Variants in LAMA3 observed in about 807,000 individuals in gnomAD.
LAMA3 encodes the protein laminin subunit alpha 3.
A neutral mutation model predicts 402.0 loss-of-function variants in LAMA3; 281 were observed. That is an observed-to-expected ratio of 0.70 (90% CI 0.63 to 0.77). The LOEUF (loss-of-function observed/expected upper bound fraction) is 0.77, where lower values mean the gene tolerates loss of function less well. Among genes scored for constraint, LAMA3 ranks in the 30% least tolerant of loss-of-function variants. The pLI, the probability that LAMA3 is intolerant of heterozygous loss-of-function variation, is 0.00. For synonymous variants in LAMA3, 1,431 were observed against 1,558.4 expected, an observed-to-expected ratio of 0.92 and a Z score of 1.93; for missense variants, 3,840 against 4,215.5, an observed-to-expected ratio of 0.91 and a Z score of 2.47.
At chr18:23,811,882 A>ATT (rs201586931) in intron 13 of LAMA3, among the ~76,000 whole-genome samples, 2 of 150,348 alleles carry the variant, frequency 1.3e-5, no homozygotes, top group African/African-American at 4.9e-5. Flanking sequence ...ATTTTATTTT[A>ATT]TTTTTTTTTG....
At chr18:23,857,292 T>C (rs1272704622) in intron 32 of LAMA3, among the ~76,000 whole-genome samples, 3 of 152,200 alleles carry the variant, frequency 2.0e-5, no homozygotes, top group Non-Finnish European at 4.4e-5. Context: ...ACCTACCTCC[T>C]CAGGCCATGG....
intron 2 of LAMA3, among the ~76,000 whole-genome samples, chr18:23,741,280 T>C (rs1181707064): frequency 6.6e-6 from 1 of 152,088 alleles, no homozygotes; most frequent in Non-Finnish European, 1.5e-5. Flanking sequence ...AGGGTGATGA[T>C]AAACCCAAAA....
chr18:23,837,570 G>GATATATATATATATAGATAT (rs2063609973), intron 25 of LAMA3, among the ~76,000 whole-genome samples: 1 of 83,284 alleles, frequency 1.2e-5, no homozygotes, highest in Non-Finnish European at 2.3e-5. Flanking sequence ...CAGTTAATCA[G>GATATATATATATATAGATAT]ATATATATAT....
chr18:23,739,342 T>C (rs1390696935), intron 2 of LAMA3, among the ~76,000 whole-genome samples: 1 of 152,216 alleles, frequency 6.6e-6, no homozygotes, highest in East Asian at 1.9e-4. Flanking sequence ...GCCCAGCTGA[T>C]TTGAAATGAC....
At chr18:23,777,252 T>TAA (rs35550543) in intron 10 of LAMA3, among the ~76,000 whole-genome samples, 2,670 of 148,002 alleles carry the variant, frequency 0.018, 22 homozygotes, top group Non-Finnish European at 0.028. Context: ...GATTTTATGT[T>TAA]AAAAAAAAAA....
chr18:23,951,513 C>A (rs917988247), intron 72 of LAMA3, among the ~76,000 whole-genome samples, 171 bp from the exon 73 acceptor site: 43 of 152,118 alleles, frequency 2.8e-4, no homozygotes, highest in African/African-American at 9.7e-4. Context: ...GCAGAGAGAT[C>A]TCTGGAAGCA....
In LAMA3 at chr18:23,689,904, G is replaced by T; in HGVS notation, c.221G>T (p.Gly74Val). The change falls in exon 1 of 75, where the codon GGG (glycine) becomes GTG (valine). Residue 74 changes from glycine to valine, a missense_variant. Coordinates refer to ENST00000313654, the MANE Select transcript of LAMA3 (RefSeq NM_198129.4). ...TGCGGGGAGAGGGGACCCGGCGAGGGGAGGCCCCAGCCCGAGCTCTACTGC... is the reference window on the plus strand; with the variant it reads ...TGCGGGGAGAGGGGACCCGGCGAGGTGAGGCCCCAGCCCGAGCTCTACTGC... ...ATCGERGPGE[G>V]RPQPELYCKL... The T allele has an allele frequency of 1.3e-6, 2 of 1,536,024 alleles. No individual in the cohort carries two copies. Among genetic ancestry groups the T allele is most frequent in the African/African-American group, 2.8e-5 (2 of 71,238 alleles).
At chr18:23,948,910 C>A (rs1286869715) in intron 70 of LAMA3, among the ~76,000 whole-genome samples, 1 of 152,198 alleles carries the variant, frequency 6.6e-6, no homozygotes, top group Non-Finnish European at 1.5e-5. Context: ...ATTACCATGT[C>A]TGACTTGTAG....
At chr18:23,746,030 TG>T (rs1337026211) in intron 2 of LAMA3, among the ~76,000 whole-genome samples, 1 of 152,218 alleles carries the variant, frequency 6.6e-6, no homozygotes, top group Non-Finnish European at 1.5e-5. Context: ...TACATAATAA[TG>T]GGATGTGTCT....
intron 2 of LAMA3, among the ~76,000 whole-genome samples, chr18:23,729,633 A>T (rs1362053546): frequency 6.6e-6 from 1 of 152,246 alleles, no homozygotes; most frequent in Non-Finnish European, 1.5e-5. Flanking sequence ...TATATATGGC[A>T]GATATAACAT....
intron 41 of LAMA3, among the ~76,000 whole-genome samples, chr18:23,885,124 C>A (rs1248198266): frequency 6.6e-6 from 1 of 150,692 alleles, no homozygotes; most frequent in Non-Finnish European, 1.5e-5. Context: ...CCAACACGCA[C>A]CCCTGTGTAC....
intron 60 of LAMA3, 88 bp downstream of exon 60, chr18:23,916,783 C>G: frequency 7.9e-7 from 1 of 1,270,396 alleles, no homozygotes; most frequent in Non-Finnish European, 1.1e-6. Flanking sequence ...AAATGACCCA[C>G]TAGATCTGGA....
At chr18:23,719,561 C>T (rs2061172626) in intron 2 of LAMA3, among the ~76,000 whole-genome samples, 1 of 152,054 alleles carries the variant, frequency 6.6e-6, no homozygotes, top group South Asian at 2.1e-4. Context: ...CTCTACCTTT[C>T]TAATTTTTCA....
chr18:23,862,581 T>G (rs2064249090), intron 35 of LAMA3, among the ~76,000 whole-genome samples: 1 of 152,228 alleles, frequency 6.6e-6, no homozygotes, highest in South Asian at 2.1e-4. Flanking sequence ...TTTTGACATC[T>G]GAGTGTGGGA....
chr18:23,878,030 G>T (rs1042994194), intron 39 of LAMA3, among the ~76,000 whole-genome samples: 1 of 152,148 alleles, frequency 6.6e-6, no homozygotes, highest in Non-Finnish European at 1.5e-5. Context: ...GGAGAATGGC[G>T]TGAACCCAGG....
At chr18:23,875,543 C>T (rs569006909) in intron 38 of LAMA3, among the ~76,000 whole-genome samples, 3 of 152,212 alleles carry the variant, frequency 2.0e-5, no homozygotes, top group East Asian at 3.9e-4. Flanking sequence ...GAACCTCATG[C>T]ACGCTCCCCT....
intron 11 of LAMA3, among the ~76,000 whole-genome samples, chr18:23,778,290 C>G (rs1475849202): frequency 1.3e-5 from 2 of 152,216 alleles, no homozygotes; most frequent in African/African-American, 4.8e-5. Context: ...ACCATTCTGG[C>G]TGCTGGGGAC....
chr18:23,894,607 G>A (rs2080809685), intron 43 of LAMA3, among the ~76,000 whole-genome samples: 1 of 152,196 alleles, frequency 6.6e-6, no homozygotes, highest in South Asian at 2.1e-4. Flanking sequence ...GGAAGTGCTT[G>A]TAAATGTCTT....
intron 2 of LAMA3, among the ~76,000 whole-genome samples, chr18:23,731,121 T>G (rs2061388041): frequency 6.6e-6 from 1 of 152,188 alleles, no homozygotes; most frequent in Non-Finnish European, 1.5e-5. Flanking sequence ...TAAAATTGAT[T>G]TGGTTGTTTT....
Sources: gnomAD v4.1 joint callset for allele counts (sites outside exome capture counted in the v4.1 genomes callset) on GRCh38, gnomAD v4.1.1 for gene constraint, MANE v1.5 for transcripts, NCBI Gene and HGNC (gene_info 2026-07-23, HGNC 2026-07-21) for gene names.